The following ZCCHC2 variants were observed in gnomAD, a reference collection of about 807,000 sequenced individuals.
ZCCHC2 encodes zinc finger CCHC domain-containing protein 2.
A neutral mutation model predicts 103.6 loss-of-function variants in ZCCHC2; 39 were observed. That is an observed-to-expected ratio of 0.38 (90% CI 0.29 to 0.49). ZCCHC2 has a LOEUF of 0.49. Among genes scored for constraint, ZCCHC2 ranks in the 20% least tolerant of loss-of-function variants. The pLI, the probability that ZCCHC2 is intolerant of heterozygous loss-of-function variation, is 0.96. For missense variants in ZCCHC2, 1,483 were observed against 1,491.0 expected (o/e 0.99, Z 0.09); for synonymous variants, 687 against 608.9 (o/e 1.13, Z -1.89).
In ZCCHC2 at chr18:62,523,308, C is replaced by G; in HGVS notation, c.-117C>G. On this transcript the variant is annotated 5_prime_UTR_variant, in exon 1 of 14. Coordinates refer to ENST00000269499, the MANE Select transcript of ZCCHC2 (RefSeq NM_017742.6). ...GACCCGCCCCCGGCCCCGGCCCTCC[C>G]CCGGCGGCATGGAGGGGCCCCGCTC... The G allele has an allele frequency of 1.0e-6, 1 of 971,060 alleles. No individual in the cohort carries two copies. The allele number at this position is 971,060 out of a possible 1,614,324, so 60.2% of individuals were successfully genotyped here. A position where few individuals can be genotyped will look rare whatever the true frequency, so the allele number is the denominator to read the frequency against.
chr18:62,567,548 G>A (rs548442936), intron 11 of ZCCHC2, among the ~76,000 whole-genome samples: 4 of 152,310 alleles, frequency 2.6e-5, no homozygotes, highest in South Asian at 4.1e-4. Context: ...AGTCAGCGCC[G>A]TCAGCTGTCT....
In ZCCHC2 at chr18:62,524,327, G is replaced by A; in HGVS notation, c.903G>A (p.Glu301=). 6.5e-7 allele frequency: 1 copy of A among 1,543,810 alleles called. No individual in the cohort carries two copies. Among genetic ancestry groups the A allele is most frequent in the African/African-American group, 1.4e-5 (1 of 72,452 alleles). Reference sequence around the variant, plus strand: ...GGGGCCCCGAGGACGCGGAGGTGGAGGTAGAGCCGTGCAAGTTTGCCGGCC... The same window carrying A: ...GGGGCCCCGAGGACGCGGAGGTGGAAGTAGAGCCGTGCAAGTTTGCCGGCC... The part of the protein sequence containing the change: ...LRGGPEDAEV[E]VEPCKFAGPR... The change falls in exon 1 of 14, where the codon GAG becomes GAA. Residue 301 remains glutamate, a synonymous_variant. Transcript: ENST00000269499.
intron 4 of ZCCHC2, among the ~76,000 whole-genome samples, chr18:62,546,090 C>A (rs910641557): frequency 3.9e-5 from 6 of 152,200 alleles, no homozygotes; most frequent in African/African-American, 1.4e-4. Flanking sequence ...TCATTAGTGA[C>A]CTGCCTTGGG....
chr18:62,530,851 C>G (rs949672219), intron 1 of ZCCHC2, among the ~76,000 whole-genome samples: 1 of 152,162 alleles, frequency 6.6e-6, no homozygotes, highest in African/African-American at 2.4e-5. Context: ...TACTTAAATC[C>G]TGATCCTGTT....
At chr18:62,539,854 TACGC>T in intron 2 of ZCCHC2, 62 bp downstream of exon 2, 1 of 1,317,432 alleles carries the variant, frequency 7.6e-7, no homozygotes, top group Non-Finnish European at 1.1e-6. Context: ...GGGTGCTCTT[TACGC>T]TGATTAACTC....
chr18:62,550,919 C>T (rs889301490), intron 5 of ZCCHC2, among the ~76,000 whole-genome samples: 1 of 152,056 alleles, frequency 6.6e-6, no homozygotes, highest in Non-Finnish European at 1.5e-5. Flanking sequence ...GTTTTGCCCT[C>T]GTAAGGTTGT....
At chr18:62,538,551 C>G (rs1246090178) in intron 1 of ZCCHC2, among the ~76,000 whole-genome samples, 5 of 152,072 alleles carry the variant, frequency 3.3e-5, no homozygotes, top group African/African-American at 9.7e-5. Context: ...GGCTATCAGG[C>G]CAAGTGTTTC....
At chr18:62,583,892 A>G (rs980396863) in intron 14 of ZCCHC2, among the ~76,000 whole-genome samples, 1 of 152,018 alleles carries the variant, frequency 6.6e-6, no homozygotes, top group African/African-American at 2.4e-5. Flanking sequence ...GGTGGAGGGA[A>G]TGTTTTAACT....
intron 5 of ZCCHC2, chr18:62,551,705 A>G (rs955692450): frequency 6.5e-6 from 1 of 153,062 alleles, no homozygotes; most frequent in African/African-American, 2.4e-5. Flanking sequence ...CAGTCGTGGC[A>G]CTCACCTCTC....
At chr18:62,524,596 A>C (rs1914265972) in intron 1 of ZCCHC2, 10 of 570,974 alleles carry the variant, frequency 1.8e-5, no homozygotes, top group African/African-American at 2.0e-5. Context: ...CCATCACAGA[A>C]TGCTCTAGAA....
Position 62,542,455 on chromosome 18 carries a change from TAGTCTTTGTAGCACA to T in ZCCHC2, c.1052-38_1052-24del, listed in dbSNP as rs570531168. On this transcript the variant is annotated intron_variant, in intron 2 of 13. Coordinates refer to ENST00000269499, the MANE Select transcript of ZCCHC2 (RefSeq NM_017742.6). ...ACTTTAGGTAAGTGAAATGTGTCTA[TAGTCTTTGTAGCACA>T]AGTCACCGTGTGTTTTTTTTCTTTC... 143 of 1,499,510 alleles carry T rather than the reference TAGTCTTTGTAGCACA, an allele frequency of 9.5e-5. No individual in the cohort carries two copies. In the African/African-American group the frequency reaches 1.7e-3, roughly 18 times the overall value. The allele number at this position is 1,499,510 out of a possible 1,614,324, so 92.9% of individuals were successfully genotyped here. A position where few individuals can be genotyped will look rare whatever the true frequency, so the allele number is the denominator to read the frequency against.
chr18:62,547,894 T>TAA (rs1915488932), intron 4 of ZCCHC2, among the ~76,000 whole-genome samples: 2 of 152,170 alleles, frequency 1.3e-5, no homozygotes, highest in African/African-American at 4.8e-5. Flanking sequence ...CAATTACAGC[T>TAA]GTCATTTCTC....
chr18:62,584,576 T>A (rs1378494046), exon 15 of ZCCHC2: 2 of 152,216 alleles, frequency 1.3e-5, no homozygotes, highest in African/African-American at 4.8e-5. Context: ...CCTACTGACC[T>A]AATTTAGAGA....
At chr18:62,567,064 C>T (rs576803138) in intron 11 of ZCCHC2, among the ~76,000 whole-genome samples, 2 of 152,266 alleles carry the variant, frequency 1.3e-5, no homozygotes, top group South Asian at 2.1e-4. Context: ...TATCCGTCAC[C>T]GATTTGTATG....
In ZCCHC2 at chr18:62,574,600, G is replaced by T. The variant is rs1475420157; in HGVS notation, c.2519G>T (p.Ser840Ile). The T allele has an allele frequency of 1.2e-6, 2 of 1,613,864 alleles. No individual in the cohort carries two copies. The highest frequency in any genetic ancestry group is 2.7e-5 in the African/African-American group (2 of 74,902). The change falls in exon 13 of 14, where the codon AGC becomes ATC. Residue 840 changes from serine to isoleucine, a missense_variant. Coordinates refer to ENST00000269499, the MANE Select transcript of ZCCHC2 (RefSeq NM_017742.6). The part of the protein sequence containing the change: ...NIPQQPPGSL[S>I]IASPNTAFIP... Reference sequence around the variant, plus strand: ...CCACAACAACCACCCGGAAGCCTGAGCATCGCATCACCAAACACTGCCTTT... The same window carrying T: ...CCACAACAACCACCCGGAAGCCTGATCATCGCATCACCAAACACTGCCTTT...
At chr18:62,572,405 AT>A (rs1241835308) in intron 12 of ZCCHC2, among the ~76,000 whole-genome samples, 1 of 152,182 alleles carries the variant, frequency 6.6e-6, no homozygotes, top group East Asian at 1.9e-4. Flanking sequence ...CTGCCATCAG[AT>A]GGCACAAGTT....
chr18:62,582,815 A>G (rs1411249661), downstream of ZCCHC2, among the ~76,000 whole-genome samples: 2 of 150,546 alleles, frequency 1.3e-5, no homozygotes, highest in Admixed American at 1.3e-4. Context: ...ATTTTAAGAG[A>G]CAGGGCCAGG....
chr18:62,523,275 C>A lies in ZCCHC2; in HGVS notation c.-150C>A, dbSNP rs1011797423. ...CGCCGGCCGGCCACCGCCCCCCTCG[C>A]CGGCCGAGACCCGCCCCCGGCCCCG... On this transcript the variant is annotated 5_prime_UTR_variant, in exon 1 of 14. Coordinates refer to ENST00000269499, the MANE Select transcript of ZCCHC2 (RefSeq NM_017742.6). 9 of 746,164 alleles carry A rather than the reference C, an allele frequency of 1.2e-5. No homozygotes were observed. The African/African-American group carries it at 1.5e-4, about 13-fold the overall frequency. 46.2% of individuals were successfully genotyped at this position (746,164 alleles called of 1,614,324 possible).
At chr18:62,533,787 G>A (rs949811063) in intron 1 of ZCCHC2, among the ~76,000 whole-genome samples, 46 of 143,608 alleles carry the variant, frequency 3.2e-4, no homozygotes, top group African/African-American at 1.1e-3. Flanking sequence ...CAGGAGAATC[G>A]TTTGAACCTG....
Sources: allele counts gnomAD v4.1 joint callset (sites outside exome capture counted in the v4.1 genomes callset), GRCh38; gene constraint gnomAD v4.1.1; transcripts MANE v1.5; gene names NCBI Gene and HGNC (gene_info 2026-07-23, HGNC 2026-07-21).